The following TTC6 variants were observed in gnomAD, a reference collection of about 807,000 sequenced individuals.
TTC6 encodes the protein tetratricopeptide repeat protein 6.
Under a neutral mutation model 210.4 loss-of-function variants are expected in TTC6, and 172 were observed. The observed-to-expected ratio is 0.82, with a 90% CI of 0.72 to 0.93. The LOEUF is 0.93. Ranked by LOEUF, TTC6 falls within the 40% of genes least tolerant of loss-of-function variation. The pLI is 0.00. For synonymous variants in TTC6, 804 were observed against 819.6 expected (o/e 0.98, Z 0.32); for missense variants, 2,414 against 2,318.1 (o/e 1.04, Z -0.85).
chr14:37,791,050 C>G (rs1258667291), intron 16 of TTC6, among the ~76,000 whole-genome samples: 1 of 152,050 alleles, frequency 6.6e-6, no homozygotes, highest in Non-Finnish European at 1.5e-5. Flanking sequence ...GGTGTTTTTG[C>G]AAATTTTAGA....
chr14:37,701,945 GATC>G (rs2138684448), intron 5 of TTC6, among the ~76,000 whole-genome samples: 1 of 152,222 alleles, frequency 6.6e-6, no homozygotes, highest in South Asian at 2.1e-4. Flanking sequence ...TGGGTCCAGG[GATC>G]ACATACAAAA....
upstream of TTC6, among the ~76,000 whole-genome samples, chr14:37,618,563 G>A (rs986361425): frequency 6.6e-6 from 1 of 152,152 alleles, no homozygotes; most frequent in Non-Finnish European, 1.5e-5. Flanking sequence ...CTATGAAAAA[G>A]AGAACATGCT....
chr14:37,812,169 A>AAAGGGT (rs2096130967), intron 24 of TTC6, 145 bp from the exon 27 acceptor site: 1 of 793,544 alleles, frequency 1.3e-6, no homozygotes, highest in Non-Finnish European at 1.9e-6. Context: ...CTTTAAATCT[A>AAAGGGT]ACATATGATT....
At chr14:37,721,106 GAAA>G (rs1389264097) in intron 6 of TTC6, among the ~76,000 whole-genome samples, 1 of 148,470 alleles carries the variant, frequency 6.7e-6, no homozygotes, top group South Asian at 2.1e-4. Context: ...AGAAAAATAA[GAAA>G]AAAAATGTAG....
chr14:37,774,992 A>G (rs1325955364), intron 14 of TTC6, among the ~76,000 whole-genome samples: 1 of 151,932 alleles, frequency 6.6e-6, no homozygotes, highest in African/African-American at 2.4e-5. Context: ...GAATTTATTC[A>G]TTTCCTTTAT....
chr14:37,633,099 C>T (rs547745564), intron 1 of TTC6, among the ~76,000 whole-genome samples: 18 of 152,284 alleles, frequency 1.2e-4, no homozygotes, highest in South Asian at 6.2e-4. Flanking sequence ...CACTTGGCTC[C>T]CTGGCTTCAG....
At chr14:37,753,365 T>A in intron 14 of TTC6, 130 bp downstream of exon 16, 2 of 772,454 alleles carry the variant, frequency 2.6e-6, no homozygotes, top group South Asian at 2.4e-5. Context: ...GTGCCACCAG[T>A]AAATGAAAAA....
chr14:37,692,223 A>AG (rs2095804984), intron 3 of TTC6, among the ~76,000 whole-genome samples: 1 of 148,042 alleles, frequency 6.8e-6, no homozygotes, highest in African/African-American at 2.5e-5. Flanking sequence ...AAAAAAAAAA[A>AG]AAAAAAAAAG....
At chr14:37,805,446 C>CACACACACACAA (rs1339370999) in intron 21 of TTC6, among the ~76,000 whole-genome samples, 5 of 131,690 alleles carry the variant, frequency 3.8e-5, no homozygotes, top group Non-Finnish European at 6.8e-5. Context: ...CACACACACA[C>CACACACACACAA]ACACACAAAC....
At chr14:37,681,182 A>G (rs537500381) in intron 2 of TTC6, among the ~76,000 whole-genome samples, 1 of 152,278 alleles carries the variant, frequency 6.6e-6, no homozygotes, top group Non-Finnish European at 1.5e-5. Context: ...TGGACTTAAG[A>G]CTGACATCTA....
intron 14 of TTC6, among the ~76,000 whole-genome samples, chr14:37,759,281 A>G (rs1595210820): frequency 6.6e-6 from 1 of 152,124 alleles, no homozygotes; most frequent in Non-Finnish European, 1.5e-5. Flanking sequence ...AAAAAGAAAA[A>G]AAGAAAAAAA....
At chr14:37,622,902 A>G in exon 1 of TTC6, 6 of 1,535,070 alleles carry the variant, frequency 3.9e-6, no homozygotes, top group Non-Finnish European at 4.4e-6. Context: ...CATCGAAGAG[A>G]TCATCGCCTC....
At chr14:37,787,705 G>T (rs2096071041) in intron 15 of TTC6, 68 bp downstream of exon 17, 5 of 1,283,376 alleles carry the variant, frequency 3.9e-6, no homozygotes, top group Non-Finnish European at 5.1e-6. Context: ...TTTCATAGTG[G>T]TGAATGGTAA....
intron 6 of TTC6, among the ~76,000 whole-genome samples, chr14:37,721,121 C>G (rs1369785916): frequency 1.3e-5 from 2 of 151,200 alleles, no homozygotes; most frequent in Middle Eastern, 3.2e-3. Context: ...AAAATGTAGC[C>G]TCAGTTAAAA....
At chr14:37,695,592 A>T (rs552535034) in intron 3 of TTC6, among the ~76,000 whole-genome samples, 78 of 152,126 alleles carry the variant, frequency 5.1e-4, no homozygotes, top group Non-Finnish European at 7.9e-4. Context: ...ACCTCAGGTG[A>T]TCTGCCCGCC....
chr14:37,660,061 C>T (rs929346194), intron 1 of TTC6, among the ~76,000 whole-genome samples: 2 of 152,108 alleles, frequency 1.3e-5, no homozygotes, highest in Non-Finnish European at 2.9e-5. Flanking sequence ...TGTCTGTTCA[C>T]TCTGTTTATA....
chr14:37,605,113 A>G (rs2095622747), intron 1 of TTC6, among the ~76,000 whole-genome samples: 1 of 152,212 alleles, frequency 6.6e-6, no homozygotes, highest in South Asian at 2.1e-4. Flanking sequence ...GACAGACAAT[A>G]TAGTCTGTGA....
chr14:37,767,327 G>T (rs549120961), intron 14 of TTC6, among the ~76,000 whole-genome samples: 1 of 152,118 alleles, frequency 6.6e-6, no homozygotes, highest in Non-Finnish European at 1.5e-5. Flanking sequence ...TAATGGGATG[G>T]CTGGGTCAAA....
In TTC6 at chr14:37,693,266, A is replaced by G. The variant is rs374254452; in HGVS notation, c.1258-3451A>G. ...ATGCCAACAGTGAACAAACTGAAAA[A>G]GAAGTAAAAAGTAGTCCCATTTACA... On this transcript the variant is annotated intron_variant, in intron 3 of 30. Coordinates refer to ENST00000553443, the Ensembl canonical transcript of TTC6. Among the ~76,000 whole-genome samples the G allele has an allele frequency of 1.4e-4, 21 of 152,272 alleles. No individual in the cohort carries two copies. In the East Asian group the frequency reaches 2.5e-3, roughly 18 times the overall value.
Sources: allele counts gnomAD v4.1 joint callset (sites outside exome capture counted in the v4.1 genomes callset), GRCh38; gene constraint gnomAD v4.1.1; transcripts MANE v1.5; gene names NCBI Gene and HGNC (gene_info 2026-07-23, HGNC 2026-07-21).